RIMBP2: variants seen among roughly 807,000 people sequenced by gnomAD.
RIMBP2 encodes the protein RIMS binding protein 2, also known as RIMS-binding protein 2.
Under a neutral mutation model 118.6 loss-of-function variants are expected in RIMBP2, and 48 were observed. The observed-to-expected ratio is 0.40, with a 90% CI of 0.32 to 0.51. The LOEUF is 0.51. Among genes scored for constraint, RIMBP2 ranks in the 20% least tolerant of loss-of-function variants. RIMBP2 has a pLI of 0.41. For synonymous variants in RIMBP2, 762 were observed against 742.9 expected (o/e 1.03, Z -0.42); for missense variants, 1,551 against 1,768.3 (o/e 0.88, Z 2.20).
chr12:130,483,380 T>A (rs948199221), intron 4 of RIMBP2, among the ~76,000 whole-genome samples: 12 of 152,154 alleles, frequency 7.9e-5, no homozygotes, highest in African/African-American at 2.9e-4. Flanking sequence ...GCACCTACTA[T>A]GCAGCCACAA....
At chr12:130,541,105 T>C (rs957031676) in intron 2 of RIMBP2, among the ~76,000 whole-genome samples, 1 of 152,116 alleles carries the variant, frequency 6.6e-6, no homozygotes. Context: ...AAGAGGCCAC[T>C]GCAGGGCCAC....
chr12:130,618,263 G>A (rs2061078296), intron 2 of RIMBP2, among the ~76,000 whole-genome samples: 1 of 152,022 alleles, frequency 6.6e-6, no homozygotes, highest in African/African-American at 2.4e-5. Flanking sequence ...ATTCACTCCT[G>A]GTTTGATCCA....
At chr12:130,592,430 C>T (rs1447395774) in intron 2 of RIMBP2, among the ~76,000 whole-genome samples, 1 of 152,154 alleles carries the variant, frequency 6.6e-6, no homozygotes, top group Non-Finnish European at 1.5e-5. Flanking sequence ...GTGGCTCACA[C>T]CTGTAATCCC....
Position 130,450,318 on chromosome 12 carries a change from G to A in RIMBP2, c.505-42C>T, listed in dbSNP as rs553537131. Reference sequence around the variant, plus strand: ...GGGTGTGTGGGTTATTGAAGCTGGAGGTGTCCCACCCCATTCCCGCGGCAC... The same window carrying A: ...GGGTGTGTGGGTTATTGAAGCTGGAAGTGTCCCACCCCATTCCCGCGGCAC... On this transcript the variant is annotated intron_variant, in intron 8 of 22. Coordinates refer to ENST00000690449, the MANE Select transcript of RIMBP2 (RefSeq NM_001393629.1). The surrounding 1 kb of genome is among the most constrained non-coding windows in gnomAD (Gnocchi z 4.8). The A allele has an allele frequency of 1.4e-6, 2 of 1,467,580 alleles. No homozygotes were observed. Among genetic ancestry groups the A allele is most frequent in the East Asian group, 2.4e-5 (1 of 42,362 alleles). 90.9% of individuals were successfully genotyped at this position (1,467,580 alleles called of 1,614,324 possible). A position where few individuals can be genotyped will look rare whatever the true frequency, so the allele number is the denominator to read the frequency against.
intron 2 of RIMBP2, among the ~76,000 whole-genome samples, chr12:130,597,728 G>A (rs2059640256): frequency 6.6e-6 from 1 of 152,170 alleles, no homozygotes; most frequent in Admixed American, 6.5e-5. Flanking sequence ...CATGATAAGA[G>A]AAAGAAACTT....
rs1044080612 is a variant in RIMBP2 at position 130,576,490 on chromosome 12, C to T, written c.-217+51832G>A. Reference sequence around the variant, plus strand: ...GCTGTGCGGGCTAAGTATCTCCTCCCGCGGGAAGCAGATGGCCCCTGCATG... The same window carrying T: ...GCTGTGCGGGCTAAGTATCTCCTCCTGCGGGAAGCAGATGGCCCCTGCATG... On this transcript the variant is annotated intron_variant, in intron 2 of 22. Transcript: ENST00000690449. The surrounding 1 kb of genome is among the most constrained non-coding windows in gnomAD (Gnocchi z 4.2). Among the ~76,000 whole-genome samples, 8 of 152,150 alleles carry T rather than the reference C, an allele frequency of 5.3e-5. No individual in the cohort carries two copies. Among genetic ancestry groups the T allele is most frequent in the African/African-American group, 1.2e-4 (5 of 41,436 alleles).
intron 2 of RIMBP2, among the ~76,000 whole-genome samples, chr12:130,563,737 G>A (rs867517404): frequency 1.3e-5 from 2 of 152,138 alleles, no homozygotes; most frequent in Admixed American, 6.5e-5. Context: ...ACTAGAAGTG[G>A]GTTCACAGGT....
At chr12:130,664,411 G>GCACACGCACGCACACACGCACA (rs1555320866) in intron 1 of RIMBP2, among the ~76,000 whole-genome samples, 3 of 87,426 alleles carry the variant, frequency 3.4e-5, no homozygotes, top group Non-Finnish European at 8.2e-5. Flanking sequence ...ACGCACGCAC[G>GCACACGCACGCACACACGCACA]CACACACACG....
chr12:130,691,578 G>C (rs764104442), intron 1 of RIMBP2, among the ~76,000 whole-genome samples: 1 of 152,144 alleles, frequency 6.6e-6, no homozygotes, highest in Non-Finnish European at 1.5e-5. Context: ...GGCTCAGATG[G>C]GAAGATCACC....
chr12:130,595,891 G>A (rs1279969998), intron 2 of RIMBP2, among the ~76,000 whole-genome samples: 4 of 152,218 alleles, frequency 2.6e-5, no homozygotes, highest in African/African-American at 4.8e-5. Flanking sequence ...AGGACTCAAC[G>A]TACCCAGTGT....
At chr12:130,645,028 A>G (rs958274457) in intron 1 of RIMBP2, among the ~76,000 whole-genome samples, 1 of 152,146 alleles carries the variant, frequency 6.6e-6, no homozygotes, top group African/African-American at 2.4e-5. Flanking sequence ...AGTCACAGGT[A>G]GTTTGAAATC....
intron 21 of RIMBP2, among the ~76,000 whole-genome samples, chr12:130,400,774 A>C (rs528324186): frequency 6.6e-6 from 1 of 152,234 alleles, no homozygotes; most frequent in Non-Finnish European, 1.5e-5. Context: ...ACATCAAAAA[A>C]CCCAATTAAA....
At chr12:130,673,969 T>A (rs1269030532) in intron 1 of RIMBP2, among the ~76,000 whole-genome samples, 2 of 108,414 alleles carry the variant, frequency 1.8e-5, no homozygotes, top group South Asian at 3.1e-4. Context: ...AAAAAAAAAA[T>A]TAGCCAGGTG....
chr12:130,404,925 G>A (rs1184707569), intron 21 of RIMBP2, among the ~76,000 whole-genome samples: 1 of 151,918 alleles, frequency 6.6e-6, no homozygotes, highest in African/African-American at 2.4e-5. Flanking sequence ...ATTTTAAAAC[G>A]TATTCATTTT....
At chr12:130,530,814 G>T (rs1244240723) in intron 2 of RIMBP2, among the ~76,000 whole-genome samples, 2 of 152,174 alleles carry the variant, frequency 1.3e-5, no homozygotes, top group African/African-American at 4.8e-5. Flanking sequence ...CAACCTAGGG[G>T]TTTTTCTTCA....
chr12:130,574,541 G>A (rs2057939976), intron 2 of RIMBP2, among the ~76,000 whole-genome samples: 1 of 152,188 alleles, frequency 6.6e-6, no homozygotes, highest in Admixed American at 6.5e-5. Context: ...CAGTGTGTGT[G>A]AGAGACATGG....
chr12:130,547,712 T>A (rs1224637824), intron 2 of RIMBP2, among the ~76,000 whole-genome samples: 1 of 152,228 alleles, frequency 6.6e-6, no homozygotes, highest in Non-Finnish European at 1.5e-5. Context: ...GATTCCCAAC[T>A]GGTTCTTCAG....
At chr12:130,409,332 C>CTT (rs35015661) in intron 19 of RIMBP2, among the ~76,000 whole-genome samples, 923 of 65,408 alleles carry the variant, frequency 0.014, 210 homozygotes, top group Non-Finnish European at 0.02. Context: ...CAAAATGTAG[C>CTT]TTTTTTTTTT....
At position 130,434,842 on chromosome 12, in the gene RIMBP2, C is replaced by T. The variant is rs779465267; in HGVS notation, c.2145G>A (p.Ala715=). Residue 715 remains alanine (A), a synonymous_variant, in exon 14 of 23, where the codon GCG becomes GCA. Transcript: ENST00000690449. The surrounding 1 kb of genome is among the most constrained non-coding windows in gnomAD (Gnocchi z 5.7). ...KRSVFLERSS[A]GQYAASDEED... ...CCTCGTCTGAGGCGGCGTACTGCCC[C>T]GCGCTGCTTCTCTCTAGGAAGACGC... The T allele has an allele frequency of 1.7e-5, 28 of 1,612,858 alleles. No individual in the cohort carries two copies. The highest frequency in any genetic ancestry group is 1.1e-4 in the African/African-American group (8 of 74,864).
Sources: allele counts gnomAD v4.1 joint callset (sites outside exome capture counted in the v4.1 genomes callset), GRCh38; gene constraint gnomAD v4.1.1; non-coding constraint Gnocchi (gnomAD v3.1); transcripts MANE v1.5; gene names NCBI Gene and HGNC (gene_info 2026-07-23, HGNC 2026-07-21).